TLE2: variants seen among roughly 807,000 people sequenced by gnomAD.
TLE2 encodes the protein transducin-like enhancer protein 2.
In TLE2, 74 loss-of-function variants were observed where a neutral mutation model predicts 97.2. The ratio of observed to expected loss-of-function variants is 0.76; its 90% CI spans 0.63 to 0.92. The LOEUF (loss-of-function observed/expected upper bound fraction) is 0.92, where lower values mean the gene tolerates loss of function less well. Among genes scored for constraint, TLE2 ranks in the 40% least tolerant of loss-of-function variants. TLE2 has a pLI of 0.00. For synonymous variants in TLE2, 499 were observed against 432.1 expected, an observed-to-expected ratio of 1.15 and a Z score of -1.92; for missense variants, 1,038 against 1,008.7, an observed-to-expected ratio of 1.03 and a Z score of -0.39.
At chr19:3,001,626 C>A (rs1267506077) in intron 18 of TLE2, among the ~76,000 whole-genome samples, 1 of 151,874 alleles carries the variant, frequency 6.6e-6, no homozygotes, top group Non-Finnish European at 1.5e-5. Context: ...CCTGGCACTA[C>A]AGGTGCGACC....
At chr19:3,030,637 C>G (rs2090015923), upstream of TLE2, among the ~76,000 whole-genome samples, 1 of 152,086 alleles carries the variant, frequency 6.6e-6, no homozygotes, top group South Asian at 2.1e-4. Flanking sequence ...GAGCCCTTAT[C>G]AATGGGCCAG....
At chr19:3,043,674 G>A (rs1389361177) in intron 1 of TLE2, among the ~76,000 whole-genome samples, 4 of 152,020 alleles carry the variant, frequency 2.6e-5, no homozygotes, top group Non-Finnish European at 5.9e-5. Flanking sequence ...GCCAGGCATG[G>A]TGGCGGGCGC....
Position 3,025,080 on chromosome 19 carries a change from C to A in TLE2, c.234G>T (p.Ala78=). 1 of 1,603,912 alleles carries A rather than the reference C, an allele frequency of 6.2e-7. No homozygotes were observed. Among genetic ancestry groups the A allele is most frequent in the East Asian group, 2.3e-5 (1 of 44,438 alleles). The part of the protein sequence containing the change: ...YGLNIEMHKQ[A]EIVKRLSGIC... ...TACCGCTCAGACGCTTCACAATCTC[C>A]GCCTGGCAGGAAGCAATGAGAGGAA... Residue 78 remains alanine (A), a splice_region_variant and synonymous_variant, in exon 5 of 20, where the codon GCG becomes GCT. Coordinates refer to ENST00000262953, the MANE Select transcript of TLE2 (RefSeq NM_003260.5).
intron 4 of TLE2, chr19:3,025,551 C>T (rs2089928597): frequency 1.0e-6 from 1 of 988,446 alleles, no homozygotes; most frequent in South Asian, 4.7e-5. Flanking sequence ...CAGGACTGAT[C>T]TACCAGCTGG....
rs762639964 is a variant in TLE2, at chr19:3,005,705, C to T, written c.1748+16G>A. 29 of 1,610,212 alleles carry T rather than the reference C, an allele frequency of 1.8e-5. No homozygotes were observed. The Admixed American group carries it at 4.5e-4, about 25-fold the overall frequency. On this transcript the variant is annotated intron_variant, in intron 16 of 19. Transcript: ENST00000262953. ...GCCGGGGGCTTGCCCAAGGTCCCAG[C>T]GCACCTGCCACCCACCTGACCATAG...
chr19:3,007,836 G>A (rs1433233647), intron 14 of TLE2, among the ~76,000 whole-genome samples: 1 of 152,116 alleles, frequency 6.6e-6, no homozygotes, highest in Non-Finnish European at 1.5e-5. Context: ...TGGAATCCCA[G>A]CACTTCGAGA....
intron 3 of TLE2, 91 bp downstream of exon 3, chr19:3,028,228 T>C (rs2089977797): frequency 3.0e-6 from 4 of 1,324,520 alleles, no homozygotes; most frequent in Middle Eastern, 2.4e-4. Flanking sequence ...AAGACGAGGT[T>C]CGGAGTGGGG....
chr19:3,043,364 CTTT>C (rs71337196), intron 1 of TLE2, among the ~76,000 whole-genome samples: 2 of 108,892 alleles, frequency 1.8e-5, no homozygotes, highest in African/African-American at 4.0e-5. Flanking sequence ...CCTTCTGCAG[CTTT>C]TTTTTTTTTT....
chr19:3,023,567 G>A (rs960606629), intron 5 of TLE2, among the ~76,000 whole-genome samples: 1 of 152,048 alleles, frequency 6.6e-6, no homozygotes. Flanking sequence ...TATCTTTCAC[G>A]TCTCTCTGAA....
At chr19:3,012,804 G>A (rs1460142305) in intron 11 of TLE2, among the ~76,000 whole-genome samples, 1 of 152,136 alleles carries the variant, frequency 6.6e-6, no homozygotes, top group African/African-American at 2.4e-5. Context: ...TCGCATCCTT[G>A]TCTTGCGTCT....
At chr19:3,030,461 G>A (rs1478860659), upstream of TLE2, among the ~76,000 whole-genome samples, 1 of 152,148 alleles carries the variant, frequency 6.6e-6, no homozygotes, top group Admixed American at 6.5e-5. Flanking sequence ...GCATACTGTG[G>A]ACCACACACT....
chr19:3,044,660 C>T (rs560082541), intron 1 of TLE2, among the ~76,000 whole-genome samples: 47 of 152,286 alleles, frequency 3.1e-4, no homozygotes, highest in Admixed American at 7.8e-4. Context: ...CCTGACGTGA[C>T]CCTCCTGCCT....
In TLE2 at chr19:2,999,289, C is replaced by A. The variant is rs572350223; in HGVS notation, c.2125-1334G>T. Among the ~76,000 whole-genome samples the A allele has an allele frequency of 2.8e-3, 419 of 151,132 alleles. 1 individual carries two copies. Among genetic ancestry groups the A allele is most frequent in the African/African-American group, 9.8e-3 (405 of 41,196 alleles). The stretch of plus-strand genomic sequence containing the variant: ...AGAGAAGGACTCCGTGTCAAAAAAA[C>A]AAAAAAACACTGTACCAACCAGGAC... On this transcript the variant is annotated intron_variant, in intron 19 of 19. Coordinates refer to ENST00000262953, the MANE Select transcript of TLE2 (RefSeq NM_003260.5).
rs2089971426 is a variant in TLE2 at position 3,027,839 on chromosome 19, A to T, written c.221T>A (p.Met74Lys). 1.9e-6 allele frequency: 3 copies of T among 1,611,520 alleles called. No homozygotes were observed. Among genetic ancestry groups the T allele is most frequent in the Non-Finnish European group, 2.5e-6 (3 of 1,179,152 alleles). Reference sequence around the variant, plus strand: ...CCCCAACCCAGTTACCTGCTTATGCATTTCAATGTTGAGCCCGTACGACAT... The same window carrying T: ...CCCCAACCCAGTTACCTGCTTATGCTTTTCAATGTTGAGCCCGTACGACAT... The part of the protein sequence containing the change: ...YEMSYGLNIE[M>K]HKQAEIVKRL... Residue 74 changes from methionine to lysine, a missense_variant, in exon 4 of 20, where the codon ATG (methionine) becomes AAG (lysine). Transcript: ENST00000262953.
At chr19:3,043,422 C>T (rs904635984) in intron 1 of TLE2, among the ~76,000 whole-genome samples, 7 of 149,710 alleles carry the variant, frequency 4.7e-5, no homozygotes, top group African/African-American at 1.7e-4. Context: ...CGTGATCCGC[C>T]CGCTTCAGCC....
rs200355206 is a variant in TLE2, at chr19:3,028,811, G to T, written c.25-8C>A. ...GCCGGACTGGAGCGGGGTCTGGGGGGGGTGTGGGGGAAACGTCAGGGTCTG... is the reference window on the plus strand; with the variant it reads ...GCCGGACTGGAGCGGGGTCTGGGGGTGGTGTGGGGGAAACGTCAGGGTCTG... On this transcript the variant is annotated splice_region_variant and splice_polypyrimidine_tract_variant and intron_variant, in intron 1 of 19. Transcript: ENST00000262953. 5.0e-5 allele frequency: 80 copies of T among 1,612,380 alleles called. No homozygotes were observed. The highest frequency in any genetic ancestry group is 5.9e-5 in the Non-Finnish European group (70 of 1,179,732).
intron 7 of TLE2, among the ~76,000 whole-genome samples, chr19:3,018,334 G>T (rs1052707067): frequency 1.3e-5 from 2 of 151,950 alleles, no homozygotes; most frequent in Admixed American, 6.6e-5. Context: ...ATGAGACAGA[G>T]TCTCACTCTG....
upstream of TLE2, among the ~76,000 whole-genome samples, chr19:3,046,649 C>T (rs1413330412): frequency 6.6e-6 from 1 of 151,676 alleles, no homozygotes; most frequent in Non-Finnish European, 1.5e-5. Context: ...CACTGAGAAC[C>T]ATTGTGTGGA....
At chr19:3,014,273 T>TA (rs1332599177) in intron 10 of TLE2, among the ~76,000 whole-genome samples, 1 of 152,140 alleles carries the variant, frequency 6.6e-6, no homozygotes, top group African/African-American at 2.4e-5. Flanking sequence ...TAGCGAGGAC[T>TA]ATATAAAGGC....
Sources: gnomAD v4.1 joint callset for allele counts (sites outside exome capture counted in the v4.1 genomes callset) on GRCh38, gnomAD v4.1.1 for gene constraint, MANE v1.5 for transcripts, NCBI Gene and HGNC (gene_info 2026-07-23, HGNC 2026-07-21) for gene names.